Variants in AGBL4 observed in about 807,000 individuals in gnomAD.
AGBL4 encodes the protein cytosolic carboxypeptidase 6.
A neutral mutation model predicts 66.4 loss-of-function variants in AGBL4; 58 were observed. That is an observed-to-expected ratio of 0.87 (90% CI 0.71 to 1.09). AGBL4 has a LOEUF of 1.09. AGBL4 is among the 50% of genes least tolerant of loss of function. AGBL4 has a pLI of 0.00. For synonymous variants in AGBL4, 234 were observed against 222.9 expected, an observed-to-expected ratio of 1.05 and a Z score of -0.44; for missense variants, 579 against 631.0, an observed-to-expected ratio of 0.92 and a Z score of 0.88.
intron 2 of AGBL4, among the ~76,000 whole-genome samples, chr1:49,709,560 C>T (rs1416348938): frequency 6.6e-6 from 1 of 151,962 alleles, no homozygotes; most frequent in Non-Finnish European, 1.5e-5. Context: ...AAAGCAATGG[C>T]AAACACCAAA....
chr1:49,985,091 G>T (rs976541300), intron 1 of AGBL4, among the ~76,000 whole-genome samples: 2 of 152,066 alleles, frequency 1.3e-5, no homozygotes, highest in African/African-American at 2.4e-5. Context: ...TAGAAGCCAA[G>T]GGGTATATTG....
chr1:49,618,349 A>AAACTAT (rs773592066), intron 3 of AGBL4, among the ~76,000 whole-genome samples: 71 of 150,656 alleles, frequency 4.7e-4, no homozygotes, highest in Admixed American at 6.7e-4. Flanking sequence ...ATGATGTATA[A>AAACTAT]TCCTTTGGGT....
At chr1:49,227,897 C>T (rs1302115265) in intron 4 of AGBL4, among the ~76,000 whole-genome samples, 1 of 152,114 alleles carries the variant, frequency 6.6e-6, no homozygotes, top group African/African-American at 2.4e-5. Flanking sequence ...TCAAGAGTCT[C>T]CTGTCTTCTG....
intron 3 of AGBL4, among the ~76,000 whole-genome samples, chr1:49,427,985 G>T (rs1645702884): frequency 6.6e-6 from 1 of 152,122 alleles, no homozygotes; most frequent in Non-Finnish European, 1.5e-5. Flanking sequence ...TACACACAGA[G>T]TGCTGATTGG....
chr1:49,243,277 T>C (rs993621441), intron 4 of AGBL4, among the ~76,000 whole-genome samples: 6 of 151,630 alleles, frequency 4.0e-5, no homozygotes, highest in African/African-American at 7.3e-5. Flanking sequence ...CTGGAGAAGA[T>C]ACTATAAATT....
At chr1:49,713,273 C>T (rs909874692) in intron 2 of AGBL4, among the ~76,000 whole-genome samples, 4 of 152,044 alleles carry the variant, frequency 2.6e-5, no homozygotes, top group Non-Finnish European at 5.9e-5. Context: ...AAAGACTGCA[C>T]TTAACAATAA....
intron 2 of AGBL4, among the ~76,000 whole-genome samples, chr1:49,769,363 T>C (rs1189818221): frequency 6.6e-6 from 1 of 151,984 alleles, no homozygotes; most frequent in Non-Finnish European, 1.5e-5. Context: ...ATTGTAAGAA[T>C]CAAAATCTCT....
At chr1:49,731,933 G>A (rs1017915322) in intron 2 of AGBL4, among the ~76,000 whole-genome samples, 1 of 152,114 alleles carries the variant, frequency 6.6e-6, no homozygotes, top group Non-Finnish European at 1.5e-5. Context: ...AAGAATAGAG[G>A]GAAACTGACA....
chr1:49,830,211 G>A (rs536773695), intron 2 of AGBL4, among the ~76,000 whole-genome samples: 64 of 152,194 alleles, frequency 4.2e-4, no homozygotes, highest in African/African-American at 1.5e-3. Context: ...CACAATGGTT[G>A]AACTAATTTA....
At chr1:49,841,933 G>T in intron 2 of AGBL4, 1 of 610,756 alleles carries the variant, frequency 1.6e-6, no homozygotes, top group Admixed American at 2.1e-5. Flanking sequence ...GAGAATCTCG[G>T]CCTCCTCGAG....
rs146751960 is a variant in AGBL4, at chr1:48,984,099, A to G, written c.594+61485T>C. On this transcript the variant is annotated intron_variant, in intron 5 of 13. Coordinates refer to ENST00000371839, the MANE Select transcript of AGBL4 (RefSeq NM_032785.4). Reference sequence around the variant, plus strand: ...TTAGGAGAGAACATACAAGGATATGATATTGCTAAAATGAGTACTAGGAGG... The same window carrying G: ...TTAGGAGAGAACATACAAGGATATGGTATTGCTAAAATGAGTACTAGGAGG... 5.1e-4 allele frequency among the ~76,000 whole-genome samples: 77 copies of G among 152,212 alleles called. 1 individual carries two copies. The highest frequency in any genetic ancestry group is 1.7e-3 in the African/African-American group (69 of 41,544).
chr1:49,362,605 C>T lies in AGBL4; in HGVS notation c.283-116741G>A, dbSNP rs532688621. Among the ~76,000 whole-genome samples, 6 of 152,230 alleles carry T rather than the reference C, an allele frequency of 3.9e-5. No homozygotes were observed. In the South Asian group the frequency reaches 1.2e-3, roughly 32 times the overall value. ...GCGCAAACACCCACACTCTCCCTCT[C>T]AGAGCTCGTTTAGGACCCACCTCAC... is the stretch of plus-strand genomic sequence containing the variant. On this transcript the variant is annotated intron_variant, in intron 3 of 13. Coordinates refer to ENST00000371839, the MANE Select transcript of AGBL4 (RefSeq NM_032785.4).
chr1:49,000,464 C>T (rs1661318039), intron 5 of AGBL4, among the ~76,000 whole-genome samples: 1 of 152,142 alleles, frequency 6.6e-6, no homozygotes, highest in Non-Finnish European at 1.5e-5. Flanking sequence ...CTCCAGCATA[C>T]CTTGTAAATT....
At chr1:49,337,927 T>C (rs1043069491) in intron 3 of AGBL4, among the ~76,000 whole-genome samples, 3 of 152,216 alleles carry the variant, frequency 2.0e-5, no homozygotes, top group African/African-American at 7.2e-5. Context: ...GATCACCCTC[T>C]GTCTCTAATC....
chr1:49,608,657 T>C (rs1429252498), intron 3 of AGBL4, among the ~76,000 whole-genome samples: 1 of 152,144 alleles, frequency 6.6e-6, no homozygotes, highest in Non-Finnish European at 1.5e-5. Flanking sequence ...TAAGATCCTG[T>C]ACCTTTTGAC....
intron 3 of AGBL4, among the ~76,000 whole-genome samples, chr1:49,376,231 C>A (rs1401033489): frequency 6.6e-6 from 1 of 152,042 alleles, no homozygotes; most frequent in East Asian, 1.9e-4. Context: ...ATTCCCTTTT[C>A]ATGTTAGTTG....
chr1:49,541,171 C>T (rs1190715032), intron 3 of AGBL4, among the ~76,000 whole-genome samples: 4 of 152,134 alleles, frequency 2.6e-5, no homozygotes, highest in East Asian at 3.9e-4. Flanking sequence ...GAGAAAAGAC[C>T]GCGTGCTGGC....
At chr1:48,828,220 T>C (rs1646474271) in intron 6 of AGBL4, among the ~76,000 whole-genome samples, 1 of 149,994 alleles carries the variant, frequency 6.7e-6, no homozygotes, top group Non-Finnish European at 1.5e-5. Flanking sequence ...AAAATGGGGT[T>C]CAAATCTCTC....
chr1:49,489,292 C>A (rs1167301), intron 3 of AGBL4, among the ~76,000 whole-genome samples: 9,827 of 151,868 alleles, frequency 0.065, 1,020 homozygotes, highest in African/African-American at 0.22. Context: ...TGATGTTGAG[C>A]CTCATTTCAT....
Sources: allele counts gnomAD v4.1 joint callset (sites outside exome capture counted in the v4.1 genomes callset), GRCh38; gene constraint gnomAD v4.1.1; transcripts MANE v1.5; gene names NCBI Gene and HGNC (gene_info 2026-07-23, HGNC 2026-07-21).